The following CSMD1 variants were observed in gnomAD, a reference collection of about 807,000 sequenced individuals.
CSMD1 encodes the protein CUB and sushi domain-containing protein 1.
In CSMD1, 213 loss-of-function variants were observed where a neutral mutation model predicts 417.5. That is an observed-to-expected ratio of 0.51 (90% CI 0.46 to 0.57). The LOEUF (loss-of-function observed/expected upper bound fraction) is 0.57, where lower values mean the gene tolerates loss of function less well. Among genes scored for constraint, CSMD1 ranks in the 20% least tolerant of loss-of-function variants. CSMD1 has a pLI of 0.00. For missense variants in CSMD1, 6,923 were observed against 4,529.7 expected, an observed-to-expected ratio of 1.53 and a Z score of -15.17; for synonymous variants, 2,862 against 1,736.8, an observed-to-expected ratio of 1.65 and a Z score of -16.11.
At chr8:3,599,688 T>C (rs1801267515) in intron 8 of CSMD1, among the ~76,000 whole-genome samples, 1 of 152,204 alleles carries the variant, frequency 6.6e-6, no homozygotes, top group Admixed American at 6.5e-5. Context: ...CATCTCCATT[T>C]TCCTTTGAGT....
chr8:3,535,066 G>T (rs1032815455), intron 10 of CSMD1, among the ~76,000 whole-genome samples: 10 of 152,134 alleles, frequency 6.6e-5, no homozygotes, highest in South Asian at 4.1e-4. Context: ...TCCTGCCTCA[G>T]CCTACTGAGT....
chr8:3,129,678 C>A (rs182308259), intron 41 of CSMD1, among the ~76,000 whole-genome samples: 2 of 141,082 alleles, frequency 1.4e-5, no homozygotes, highest in Admixed American at 7.3e-5. Context: ...AGCAACAAAA[C>A]CATTTTTTAA....
intron 37 of CSMD1, among the ~76,000 whole-genome samples, chr8:3,175,563 G>GCCTTCCTT (rs1253590735): frequency 9.0e-6 from 1 of 110,786 alleles, no homozygotes; most frequent in Non-Finnish European, 1.8e-5. Flanking sequence ...CTCCCTCCCT[G>GCCTTCCTT]CCTTCCTTCC....
intron 52 of CSMD1, among the ~76,000 whole-genome samples, chr8:3,014,078 A>G (rs77261605): frequency 0.084 from 12,854 of 152,140 alleles, 592 homozygotes; most frequent in African/African-American, 0.12. Context: ...ATTTTACATT[A>G]ATTTCTATTA....
In CSMD1 at chr8:4,267,110, C is replaced by A. The variant is rs1159359101; in HGVS notation, c.415+152843G>T. Reference sequence around the variant, plus strand: ...TCAATGTTATTTTTTTTTGAAAGTGCTTTCTAATGCAATTAGTTGGGAGAA... The same window carrying A: ...TCAATGTTATTTTTTTTTGAAAGTGATTTCTAATGCAATTAGTTGGGAGAA... On this transcript the variant is annotated intron_variant, in intron 3 of 69. Transcript: ENST00000635120. Among the ~76,000 whole-genome samples, 2 of 102,676 alleles carry A rather than the reference C, an allele frequency of 1.9e-5. 1 individual carries two copies. Among genetic ancestry groups the A allele is most frequent in the Non-Finnish European group, 5.2e-5 (2 of 38,262 alleles). The allele number at this position is 102,676 out of a possible 152,430, so 67.4% of individuals were successfully genotyped here. A position where few individuals can be genotyped will look rare whatever the true frequency, so the allele number is the denominator to read the frequency against.
rs749071211 is a variant in CSMD1, at chr8:4,994,332, C to A, written c.85G>T (p.Gly29Cys). ...CCGGCCAGGAGCAAGTCCGTCTTAC[C>A]CTTCGCTGCAGTGAGGAGCCTCGCG... ...LCARLLTAAK[G>C]QNCGGLVQGP... The change falls in exon 1 of 70, where the codon GGT (glycine) becomes TGT (cysteine). Residue 29 changes from glycine to cysteine, a missense_variant and splice_region_variant. Coordinates refer to ENST00000635120, the MANE Select transcript of CSMD1 (RefSeq NM_033225.6). The A allele has an allele frequency of 1.9e-6, 3 of 1,610,002 alleles. No homozygotes were observed. Among genetic ancestry groups the A allele is most frequent in the African/African-American group, 1.3e-5 (1 of 75,060 alleles).
intron 26 of CSMD1, among the ~76,000 whole-genome samples, chr8:3,274,409 T>C (rs528224631): frequency 1.3e-5 from 2 of 152,282 alleles, no homozygotes; most frequent in South Asian, 4.1e-4. Flanking sequence ...ATTCTGTTGA[T>C]TTGGGGTGGA....
intron 7 of CSMD1, among the ~76,000 whole-genome samples, chr8:3,671,006 G>C (rs1234002917): frequency 1.1e-4 from 12 of 104,366 alleles, no homozygotes; most frequent in African/African-American, 3.6e-4. Context: ...ATATGTATGG[G>C]ATATATATGT....
intron 2 of CSMD1, among the ~76,000 whole-genome samples, chr8:4,564,893 T>G (rs1798517383): frequency 6.6e-6 from 1 of 152,244 alleles, no homozygotes. Context: ...TTACGTAGCT[T>G]AATTCACCCA....
chr8:4,944,178 C>G (rs914279588), intron 1 of CSMD1, among the ~76,000 whole-genome samples: 1 of 152,082 alleles, frequency 6.6e-6, no homozygotes, highest in Non-Finnish European at 1.5e-5. Context: ...AAAAAATCCA[C>G]GAACTTAGAT....
In CSMD1 at chr8:4,046,681, A is replaced by G. The variant is rs1009904973; in HGVS notation, c.416-14582T>C. On this transcript the variant is annotated intron_variant, in intron 3 of 69. Coordinates refer to ENST00000635120, the MANE Select transcript of CSMD1 (RefSeq NM_033225.6). The stretch of plus-strand genomic sequence containing the variant: ...ATATACACTGGGAATGTTTATTTCC[A>G]TTTGATTTTAAAAGGATGTAGATAT... 2.8e-4 allele frequency among the ~76,000 whole-genome samples: 42 copies of G among 152,192 alleles called. 1 individual carries two copies.
chr8:3,740,024 C>A (rs1328544077), intron 6 of CSMD1, among the ~76,000 whole-genome samples: 1 of 152,070 alleles, frequency 6.6e-6, no homozygotes, highest in African/African-American at 2.4e-5. Context: ...ATTGAAATAC[C>A]AATAAAATTC....
intron 5 of CSMD1, among the ~76,000 whole-genome samples, chr8:3,815,721 C>A (rs2929495): frequency 0.62 from 94,199 of 151,260 alleles, 30,077 homozygotes; most frequent in Middle Eastern, 0.7. Context: ...ATTCTTTGGA[C>A]TTGGAGATTC....
At chr8:4,333,266 C>A (rs1031692004) in intron 3 of CSMD1, among the ~76,000 whole-genome samples, 2 of 152,072 alleles carry the variant, frequency 1.3e-5, no homozygotes, top group African/African-American at 2.4e-5. Flanking sequence ...TAAAGCCAAT[C>A]CTGACGCTAA....
At chr8:3,965,177 A>G (rs1436394298) in intron 5 of CSMD1, among the ~76,000 whole-genome samples, 1 of 152,168 alleles carries the variant, frequency 6.6e-6, no homozygotes, top group Non-Finnish European at 1.5e-5. Context: ...GTAAGAGTTC[A>G]TAACAAAAGA....
At chr8:4,546,116 T>C (rs1396312161) in intron 2 of CSMD1, among the ~76,000 whole-genome samples, 1 of 152,182 alleles carries the variant, frequency 6.6e-6, no homozygotes, top group African/African-American at 2.4e-5. Flanking sequence ...CTACTGAAAC[T>C]TTCTTCAGCT....
chr8:4,818,090 T>G (rs1344787861), intron 1 of CSMD1, among the ~76,000 whole-genome samples: 1 of 152,180 alleles, frequency 6.6e-6, no homozygotes, highest in Non-Finnish European at 1.5e-5. Flanking sequence ...TGCATTGAAC[T>G]GAACACATGT....
chr8:3,594,851 C>G (rs561410267), intron 8 of CSMD1, among the ~76,000 whole-genome samples: 1 of 152,158 alleles, frequency 6.6e-6, no homozygotes, highest in Non-Finnish European at 1.5e-5. Flanking sequence ...CAGCTTCCAG[C>G]ACTGCTCATG....
At chr8:2,938,953 T>A (rs1801677231) in intron 69 of CSMD1, among the ~76,000 whole-genome samples, 1 of 152,132 alleles carries the variant, frequency 6.6e-6, no homozygotes, top group African/African-American at 2.4e-5. Context: ...AAAAAGTGAA[T>A]CGATTTCAAA....
Sources: allele counts gnomAD v4.1 joint callset (sites outside exome capture counted in the v4.1 genomes callset), GRCh38; gene constraint gnomAD v4.1.1; transcripts MANE v1.5; gene names NCBI Gene and HGNC (gene_info 2026-07-23, HGNC 2026-07-21).